HMGXB3: variants seen among roughly 807,000 people sequenced by gnomAD.
HMGXB3 encodes HMG domain-containing protein 3.
Under a neutral mutation model 121.5 loss-of-function variants are expected in HMGXB3, and 45 were observed. That is an observed-to-expected ratio of 0.37 (90% confidence interval 0.29 to 0.47). The LOEUF is 0.47. Among genes scored for constraint, HMGXB3 ranks in the 20% least tolerant of loss-of-function variants. The pLI, the probability that HMGXB3 is intolerant of heterozygous loss-of-function variation, is 0.99. For missense variants in HMGXB3, 1,376 were observed against 1,602.2 expected (o/e 0.86, Z 2.41); for synonymous variants, 590 against 624.1 (o/e 0.95, Z 0.81).
In HMGXB3 at chr5:150,047,656, G is replaced by A. The variant is rs1440520389; in HGVS notation, c.2983G>A (p.Glu995Lys). Residue 995 changes from glutamate to lysine, a missense_variant, in exon 17 of 20, where the codon GAG (glutamate) becomes AAG (lysine). Transcript: ENST00000502717. ...CAGTGCCTTGGTGAGGCTGCTCCAG[G>A]AGGGCACCTGCAAGCTTGATGAGAT... ...SGSALVRLLQ[E>K]GTCKLDEIGS... The A allele has an allele frequency of 1.3e-6, 2 of 1,551,628 alleles. No homozygotes were observed. The highest frequency in any genetic ancestry group is 1.7e-6 in the Non-Finnish European group (2 of 1,147,016).
At chr5:150,011,898 C>T (rs1453682349) in intron 4 of HMGXB3, among the ~76,000 whole-genome samples, 2 of 152,120 alleles carry the variant, frequency 1.3e-5, no homozygotes, top group Admixed American at 6.5e-5. Context: ...AGGCGTGAGC[C>T]GCCGTGCCCG....
At chr5:150,019,463 G>A (rs1487122086) in intron 6 of HMGXB3, among the ~76,000 whole-genome samples, 4 of 152,118 alleles carry the variant, frequency 2.6e-5, no homozygotes, top group African/African-American at 9.7e-5. Context: ...CTGAAGTTCC[G>A]TTTAACATGT....
chr5:150,005,038 C>G (rs1170958426), intron 2 of HMGXB3, 49 bp downstream of exon 2: 1 of 1,520,408 alleles, frequency 6.6e-7, no homozygotes, highest in South Asian at 1.3e-5. Context: ...ACAGAAGTTG[C>G]TTGGAGAGCT....
chr5:150,052,454 AG>A lies in HMGXB3; in HGVS notation c.*266del. The A allele has an allele frequency of 4.4e-6, 2 of 452,358 alleles. No homozygotes were observed. Among genetic ancestry groups the A allele is most frequent in the Non-Finnish European group, 8.0e-6 (2 of 249,900 alleles). The allele number at this position is 452,358 out of a possible 1,614,324, so 28.0% of individuals were successfully genotyped here. The stretch of plus-strand genomic sequence containing the variant: ...TTGGGGGACACGGTATGTTTAATGG[AG>A]GGGAGGCTGAGGGAAAGGCTCGTAG... On this transcript the variant is annotated 3_prime_UTR_variant, in exon 20 of 20. Transcript: ENST00000502717.
intron 17 of HMGXB3, 57 bp from the exon 18 acceptor site, chr5:150,048,512 C>A: frequency 8.6e-7 from 1 of 1,160,108 alleles, no homozygotes. Context: ...TGCTGAGCAC[C>A]AGCCGTGGTC....
chr5:150,032,494 A>G lies in HMGXB3; in HGVS notation c.1874A>G (p.Lys625Arg), dbSNP rs777821184. 2.6e-6 allele frequency: 4 copies of G among 1,551,824 alleles called. No individual in the cohort carries two copies. The South Asian group carries it at 4.8e-5, about 18-fold the overall frequency. Residue 625 changes from lysine to arginine, a missense_variant, in exon 11 of 20, where the codon AAG becomes AGG. This residue lies in a region of HMGXB3 where 1,116 missense variants were observed against 1,369.0 expected (regional missense o/e 0.82). Transcript: ENST00000502717. ...ACATCAAGAGGCCGGGGAAAGTGCA[A>G]GAATCCCTCTTGTAGCTATGTCTAC... ...LATSRGRGKC[K>R]NPSCSYVYTN...
chr5:150,003,415 TGGGAA>T (rs1009303230), intron 1 of HMGXB3, among the ~76,000 whole-genome samples: 20 of 151,976 alleles, frequency 1.3e-4, no homozygotes, highest in African/African-American at 4.8e-4. Flanking sequence ...TTGGTGGCCT[TGGGAA>T]GGTTGTTAAG....
chr5:150,038,510 C>T (rs1483625276), intron 13 of HMGXB3, among the ~76,000 whole-genome samples: 1 of 152,204 alleles, frequency 6.6e-6, no homozygotes, highest in African/African-American at 2.4e-5. Context: ...TAAGTTCTGA[C>T]AGATGCACTA....
chr5:150,048,608 G>C lies in HMGXB3; in HGVS notation c.3124G>C (p.Val1042Leu). Residue 1042 changes from valine to leucine, a missense_variant, in exon 18 of 20, where the codon GTA (valine) becomes CTA (leucine). Val to Leu is a conservative substitution (Grantham distance 32). This residue lies in a region of HMGXB3 where 1,116 missense variants were observed against 1,369.0 expected (regional missense o/e 0.82). Coordinates refer to ENST00000502717, the MANE Select transcript of HMGXB3 (RefSeq NM_014983.3). ...CTCCTTGTTGGCCCTCTACGAATCT[G>C]TACAGAATGGAGCTAGAGCTATACG... is the stretch of plus-strand genomic sequence containing the variant. Reference protein sequence around the residue: ...CFSLLALYESVQNGARAIRPP... With the variant: ...CFSLLALYESLQNGARAIRPP... The C allele has an allele frequency of 1.3e-6, 2 of 1,552,102 alleles. No homozygotes were observed. The highest frequency in any genetic ancestry group is 1.7e-6 in the Non-Finnish European group (2 of 1,147,066).
intron 7 of HMGXB3, among the ~76,000 whole-genome samples, chr5:150,026,006 A>G (rs1411875448): frequency 2.0e-5 from 3 of 149,784 alleles, no homozygotes; most frequent in Non-Finnish European, 3.0e-5. Context: ...AATTTTTTGT[A>G]TTTTTAGTAG....
At chr5:150,023,477 A>G (rs943357592) in intron 6 of HMGXB3, among the ~76,000 whole-genome samples, 9 of 152,240 alleles carry the variant, frequency 5.9e-5, no homozygotes, top group Non-Finnish European at 1.3e-4. Context: ...CCTTTATGAT[A>G]TACATGGTGG....
rs1184027635 is a variant in HMGXB3, at chr5:150,001,177, C to T, written c.-5C>T. 4.6e-5 allele frequency: 7 copies of T among 152,990 alleles called. No individual in the cohort carries two copies. The East Asian group carries it at 7.7e-4, about 17-fold the overall frequency. The allele number at this position is 152,990 out of a possible 1,614,324, so 9.5% of individuals were successfully genotyped here. A position where few individuals can be genotyped will look rare whatever the true frequency, so the allele number is the denominator to read the frequency against. ...GAGCGGCGCAGCTTGCACGCTCCTC[C>T]GGGTAAGTCCCGCCTTCGAGGGCCG... is the stretch of plus-strand genomic sequence containing the variant. On this transcript the variant is annotated splice_region_variant and 5_prime_UTR_variant, in exon 1 of 20. Transcript: ENST00000502717.
intron 18 of HMGXB3, among the ~76,000 whole-genome samples, chr5:150,049,469 A>AGCAC (rs1251079124): frequency 2.0e-5 from 3 of 152,132 alleles, no homozygotes; most frequent in African/African-American, 7.2e-5. Context: ...CCTTCACTGA[A>AGCAC]GCACATGAGT....
chr5:150,037,596 A>C, intron 13 of HMGXB3, 69 bp downstream of exon 13: 1 of 1,330,084 alleles, frequency 7.5e-7, no homozygotes, highest in Non-Finnish European at 9.8e-7. Flanking sequence ...TATGGATGAG[A>C]CCTCTGGCCC....
intron 11 of HMGXB3, among the ~76,000 whole-genome samples, chr5:150,034,361 G>A (rs974512252): frequency 6.6e-6 from 1 of 152,158 alleles, no homozygotes; most frequent in African/African-American, 2.4e-5. Flanking sequence ...TATACAAAGT[G>A]TGTCTATCTG....
In HMGXB3 at chr5:150,004,944, A is replaced by G; in HGVS notation, c.92A>G (p.Lys31Arg). 6.4e-7 allele frequency: 1 copy of G among 1,551,836 alleles called. No individual in the cohort carries two copies. Among genetic ancestry groups the G allele is most frequent in the East Asian group, 2.4e-5 (1 of 40,928 alleles). Residue 31 changes from lysine (K) to arginine (R), a missense_variant, in exon 2 of 20, where the codon AAG becomes AGG. Physicochemically the swap from Lys to Arg is conservative, Grantham distance 26. Coordinates refer to ENST00000502717, the MANE Select transcript of HMGXB3 (RefSeq NM_014983.3). ...YCYTSPGPPKKKKKYKIHGEK... is the reference protein window; with the variant it reads ...YCYTSPGPPKRKKKYKIHGEK... ...TACACCTCTCCTGGGCCACCCAAGA[A>G]GAAGAAAAAGTATAAAATACATGGA...
At chr5:150,040,541 T>C (rs1277304130) in intron 13 of HMGXB3, among the ~76,000 whole-genome samples, 1 of 151,930 alleles carries the variant, frequency 6.6e-6, no homozygotes, top group Admixed American at 6.6e-5. Flanking sequence ...AGGCCATACC[T>C]GGCCTGTTTT....
intron 7 of HMGXB3, 79 bp downstream of exon 7, chr5:150,024,759 TGA>T (rs1300816576): frequency 5.8e-6 from 7 of 1,208,614 alleles, no homozygotes; most frequent in Non-Finnish European, 3.4e-6. Context: ...ACAGCATGCC[TGA>T]GAGAGGCAGC....
intron 15 of HMGXB3, among the ~76,000 whole-genome samples, chr5:150,042,354 C>T (rs1426120271): frequency 2.0e-5 from 3 of 152,160 alleles, no homozygotes; most frequent in Admixed American, 1.3e-4. Context: ...GTAGTGAGTG[C>T]TGTGAAGCAC....
Sources: allele counts gnomAD v4.1 joint callset (sites outside exome capture counted in the v4.1 genomes callset), GRCh38; gene constraint gnomAD v4.1.1; regional missense constraint gnomAD v4.1.1; transcripts MANE v1.5; gene names NCBI Gene and HGNC (gene_info 2026-07-23, HGNC 2026-07-21).